SLC6A6: variants seen among roughly 807,000 people sequenced by gnomAD.
SLC6A6 encodes sodium- and chloride-dependent taurine transporter.
In SLC6A6, 16 loss-of-function variants were observed where a neutral mutation model predicts 68.8. The observed-to-expected ratio is 0.23, with a 90% confidence interval of 0.16 to 0.35. The LOEUF (loss-of-function observed/expected upper bound fraction) is 0.35. Among genes scored for constraint, SLC6A6 ranks in the 10% least tolerant of loss-of-function variants. The pLI, the probability that SLC6A6 is intolerant of heterozygous loss-of-function variation, is 1.00. For missense variants in SLC6A6, 474 were observed against 802.8 expected, an observed-to-expected ratio of 0.59 and a Z score of 4.95; for synonymous variants, 312 against 315.4, an observed-to-expected ratio of 0.99 and a Z score of 0.12.
At chr3:14,406,001 G>A (rs145603318) in intron 1 of SLC6A6, among the ~76,000 whole-genome samples, 45 of 152,162 alleles carry the variant, frequency 3.0e-4, no homozygotes, top group Middle Eastern at 3.4e-3. Flanking sequence ...ACACAGTGTC[G>A]GAGTTGCCAT....
Position 14,485,053 on chromosome 3 carries a change from A to C in SLC6A6, c.*46A>C, listed in dbSNP as rs555424510. The C allele has an allele frequency of 1.4e-4, 211 of 1,537,870 alleles. 1 individual carries two copies. Among genetic ancestry groups the C allele is most frequent in the South Asian group, 7.0e-4 (61 of 86,564 alleles). On this transcript the variant is annotated 3_prime_UTR_variant, in exon 15 of 15. Coordinates refer to ENST00000622186, the MANE Select transcript of SLC6A6 (RefSeq NM_003043.6). Reference sequence around the variant, plus strand: ...CCGGCGGCTTTCCTGCTGTTTACTAACATTAGATTCTCATAGGACCAGGTT... The same window carrying C: ...CCGGCGGCTTTCCTGCTGTTTACTACCATTAGATTCTCATAGGACCAGGTT...
rs763124552 is a variant in SLC6A6 at position 14,474,446 on chromosome 3, C to T, written c.1209+2129C>T. Among the ~76,000 whole-genome samples, 51 of 152,136 alleles carry T rather than the reference C, an allele frequency of 3.4e-4. 2 individuals carry two copies. Among genetic ancestry groups the T allele is most frequent in the Admixed American group, 1.3e-4 (2 of 15,278 alleles). On this transcript the variant is annotated intron_variant, in intron 10 of 14. Transcript: ENST00000622186. ...GGCATTAGTACCTTCAGACATTGCG[C>T]GGCCATCACCACCGTCCGTCTCCAG...
At chr3:14,407,589 G>A (rs1574902193) in intron 1 of SLC6A6, among the ~76,000 whole-genome samples, 2 of 149,178 alleles carry the variant, frequency 1.3e-5, no homozygotes, top group East Asian at 2.0e-4. Context: ...CTGCAGCCTC[G>A]ACCTCCCCAG....
At chr3:14,482,776 A>G (rs759318157) in intron 14 of SLC6A6, among the ~76,000 whole-genome samples, 1 of 152,048 alleles carries the variant, frequency 6.6e-6, no homozygotes. Flanking sequence ...CTTTTGACCC[A>G]TTCTATTTTT....
At chr3:14,437,458 A>G (rs889219766) in intron 2 of SLC6A6, among the ~76,000 whole-genome samples, 9 of 152,102 alleles carry the variant, frequency 5.9e-5, no homozygotes, top group African/African-American at 2.2e-4. Context: ...GGGTTTTGCC[A>G]TATTGCCCAG....
intron 6 of SLC6A6, 84 bp from the exon 7 acceptor site, chr3:14,466,431 TC>T: frequency 6.9e-7 from 1 of 1,457,558 alleles, no homozygotes; most frequent in Non-Finnish European, 9.3e-7. Context: ...TGACCAGTGC[TC>T]CCCTCTGCCT....
At chr3:14,445,687 C>G in intron 3 of SLC6A6, 30 bp from the exon 4 acceptor site, 1 of 1,613,766 alleles carries the variant, frequency 6.2e-7, no homozygotes, top group Non-Finnish European at 8.5e-7. Flanking sequence ...ATGGCCACAG[C>G]CTCACTTTTG....
At chr3:14,412,340 C>T (rs1699269027) in intron 1 of SLC6A6, among the ~76,000 whole-genome samples, 1 of 152,126 alleles carries the variant, frequency 6.6e-6, no homozygotes, top group Non-Finnish European at 1.5e-5. Context: ...GATTCCTCTT[C>T]TGCCACTGGT....
Position 14,468,783 on chromosome 3 carries a change from T to C in SLC6A6, c.1096+571T>C, listed in dbSNP as rs1458450915. 6.6e-6 allele frequency among the ~76,000 whole-genome samples: 1 copy of C among 151,960 alleles called. No homozygotes were observed. Among genetic ancestry groups the C allele is most frequent in the African/African-American group, 2.4e-5 (1 of 41,348 alleles). ...CTACTGGGACGGTGGCAGATCCAAC[T>C]GGGGGTGGGTTGTAAGCACAGTGTC... On this transcript the variant is annotated intron_variant, in intron 9 of 14. Coordinates refer to ENST00000622186, the MANE Select transcript of SLC6A6 (RefSeq NM_003043.6). The surrounding 1 kb of genome is among the most constrained non-coding windows in gnomAD (Gnocchi z 4.5).
chr3:14,461,569 G>A (rs1303733325), intron 6 of SLC6A6, among the ~76,000 whole-genome samples: 2 of 152,232 alleles, frequency 1.3e-5, no homozygotes, highest in Non-Finnish European at 2.9e-5. Flanking sequence ...GCCCCGGAGT[G>A]AGCATGGACA....
chr3:14,435,992 G>A (rs532407962), intron 2 of SLC6A6, among the ~76,000 whole-genome samples: 17 of 152,322 alleles, frequency 1.1e-4, no homozygotes, highest in Non-Finnish European at 2.2e-4. Context: ...GCCTCTGGAG[G>A]CTTTGGAGCT....
rs76809515 is a variant in SLC6A6, at chr3:14,431,523, G to A, written c.-11-12101G>A. Among the ~76,000 whole-genome samples, 561 of 152,268 alleles carry A rather than the reference G, an allele frequency of 3.7e-3. 6 individuals carry two copies. Among genetic ancestry groups the A allele is most frequent in the African/African-American group, 0.013 (527 of 41,552 alleles). ...TCATTAGGCAGGGGAAGAGTGTACC[G>A]GGCTGAGGGCACAGCACAAGCCAAG... On this transcript the variant is annotated intron_variant, in intron 2 of 14. Transcript: ENST00000622186.
rs558392893 is a variant in SLC6A6 at position 14,468,495 on chromosome 3, C to G, written c.1096+283C>G. Among the ~76,000 whole-genome samples the G allele has an allele frequency of 9.6e-4, 146 of 152,202 alleles. 2 individuals are homozygous for G. The Middle Eastern group carries it at 0.014, about 14-fold the overall frequency. Reference sequence around the variant, plus strand: ...CTTAGTGTGGTCTTCCCCGCCCCCCCGTCCTTCCCCAGCAAACTCCTGGTT... The same window carrying G: ...CTTAGTGTGGTCTTCCCCGCCCCCCGGTCCTTCCCCAGCAAACTCCTGGTT... On this transcript the variant is annotated intron_variant, in intron 9 of 14. Coordinates refer to ENST00000622186, the MANE Select transcript of SLC6A6 (RefSeq NM_003043.6). This position sits in a 1 kb window ranked among gnomAD's most constrained non-coding sequence, Gnocchi z 4.5.
chr3:14,457,486 A>G (rs923664984), intron 5 of SLC6A6, among the ~76,000 whole-genome samples: 8 of 152,212 alleles, frequency 5.3e-5, no homozygotes, highest in African/African-American at 1.7e-4. Flanking sequence ...AAGGGACAAT[A>G]TTGGGGGAGG....
rs1559278931 is a variant in SLC6A6 at position 14,402,632 on chromosome 3, A to G, written c.-269A>G. On this transcript the variant is annotated 5_prime_UTR_variant, in exon 1 of 15. Coordinates refer to ENST00000622186, the MANE Select transcript of SLC6A6 (RefSeq NM_003043.6). This position sits in a 1 kb window ranked among gnomAD's most constrained non-coding sequence, Gnocchi z 4.8. ...AGAGCTGCCTGCTCAGACAACAGACACGCGAGGTCAGGAAGAAGCCGCTTA... is the reference window on the plus strand; with the variant it reads ...AGAGCTGCCTGCTCAGACAACAGACGCGCGAGGTCAGGAAGAAGCCGCTTA... 1 of 397,672 alleles carries G rather than the reference A, an allele frequency of 2.5e-6. No individual in the cohort carries two copies. Among genetic ancestry groups the G allele is most frequent in the Non-Finnish European group, 4.4e-6 (1 of 225,632 alleles). The allele number at this position is 397,672 out of a possible 1,614,324, so 24.6% of individuals were successfully genotyped here.
chr3:14,418,707 C>T (rs1477136836), intron 2 of SLC6A6, among the ~76,000 whole-genome samples: 5 of 152,176 alleles, frequency 3.3e-5, no homozygotes, highest in Admixed American at 6.5e-5. Context: ...ATTCATTGAG[C>T]GCTTATTGCA....
chr3:14,462,624 G>A (rs1462203693), intron 6 of SLC6A6, among the ~76,000 whole-genome samples: 3 of 152,080 alleles, frequency 2.0e-5, no homozygotes, highest in Admixed American at 1.3e-4. Context: ...TCTTAGGCCC[G>A]GGAAGTTGAG....
At chr3:14,464,504 C>CT in intron 6 of SLC6A6, among the ~76,000 whole-genome samples, 1 of 152,318 alleles carries the variant, frequency 6.6e-6, no homozygotes, top group East Asian at 1.9e-4. Context: ...TAAACGCTGC[C>CT]TAGGGGTTGT....
intron 6 of SLC6A6, among the ~76,000 whole-genome samples, chr3:14,459,049 A>G (rs1015491917): frequency 2.6e-5 from 4 of 152,202 alleles, no homozygotes; most frequent in Non-Finnish European, 5.9e-5. Flanking sequence ...GCTGATGCCA[A>G]AGGCTGGTGC....
Sources: allele counts gnomAD v4.1 joint callset (sites outside exome capture counted in the v4.1 genomes callset), GRCh38; gene constraint gnomAD v4.1.1; non-coding constraint Gnocchi (gnomAD v3.1); transcripts MANE v1.5; gene names NCBI Gene and HGNC (gene_info 2026-07-23, HGNC 2026-07-21).